Variants in CTDSP2 observed in about 807,000 individuals in gnomAD.
The protein encoded by CTDSP2 is CTD small phosphatase 2, also known as carboxy-terminal domain RNA polymerase II polypeptide A small phosphatase 2.
CTDSP2 carries 9 observed loss-of-function variants against 31.6 expected under a neutral mutation model. The ratio of observed to expected loss-of-function variants is 0.28; its 90% CI spans 0.17 to 0.50. The LOEUF (loss-of-function observed/expected upper bound fraction) is 0.50. CTDSP2 is among the 20% of genes least tolerant of loss of function. The pLI, the probability that CTDSP2 is intolerant of heterozygous loss-of-function variation, is 0.98. For missense variants in CTDSP2, 267 were observed against 348.5 expected, an observed-to-expected ratio of 0.77 and a Z score of 1.86; for synonymous variants, 134 against 134.5, an observed-to-expected ratio of 1.00 and a Z score of 0.03.
intron 5 of CTDSP2, 98 bp from the exon 6 acceptor site, chr12:57,824,417 A>C (rs1378931741): frequency 4.4e-6 from 4 of 913,676 alleles, no homozygotes; most frequent in Non-Finnish European, 7.1e-6. Flanking sequence ...GGAGCTCTCA[A>C]CCCCTGCAGC....
rs968686833 is a variant in CTDSP2, at chr12:57,844,173, C to A, written c.64+2199G>T. Among the ~76,000 whole-genome samples the A allele has an allele frequency of 2.6e-4, 40 of 152,132 alleles. 1 individual carries two copies. Among genetic ancestry groups the A allele is most frequent in the Admixed American group, 6.5e-5 (1 of 15,274 alleles). On this transcript the variant is annotated intron_variant, in intron 1 of 7. Transcript: ENST00000398073. ...TTGCGCCACTGCACTCTAGCCTGGG[C>A]AACAGAGTAAGACTCCATCTCAATT...
chr12:57,834,374 C>A (rs1042489219), intron 1 of CTDSP2, among the ~76,000 whole-genome samples: 1 of 152,168 alleles, frequency 6.6e-6, no homozygotes. Flanking sequence ...TGGGGTCTAG[C>A]CCCTACCCCT....
chr12:57,827,336 G>A (rs1305720116), intron 3 of CTDSP2: 5 of 636,450 alleles, frequency 7.9e-6, no homozygotes, highest in Non-Finnish European at 1.4e-5. Context: ...GGGATGGACA[G>A]CAGCTGTGGG....
Position 57,829,373 on chromosome 12 carries a change from G to A in CTDSP2, c.213+75C>T, listed in dbSNP as rs1252037179. ...AACTTCAGGCAAAGCTTCCTTGTCCGGTTGCCATCGTCTGCAGGGATCTCC... is the reference window on the plus strand; with the variant it reads ...AACTTCAGGCAAAGCTTCCTTGTCCAGTTGCCATCGTCTGCAGGGATCTCC... On this transcript the variant is annotated intron_variant, in intron 2 of 7. Coordinates refer to ENST00000398073, the MANE Select transcript of CTDSP2 (RefSeq NM_005730.4). 24 of 1,532,122 alleles carry A rather than the reference G, an allele frequency of 1.6e-5. No individual in the cohort carries two copies. In the Admixed American group the frequency reaches 1.6e-4, roughly 10 times the overall value. The allele number at this position is 1,532,122 out of a possible 1,614,324, so 94.9% of individuals were successfully genotyped here. A position where few individuals can be genotyped will look rare whatever the true frequency, so the allele number is the denominator to read the frequency against.
chr12:57,831,981 G>C (rs138886968), intron 1 of CTDSP2, among the ~76,000 whole-genome samples: 1 of 152,142 alleles, frequency 6.6e-6, no homozygotes, highest in African/African-American at 2.4e-5. Context: ...TATTCCACAG[G>C]ACCAAGGGTG....
Position 57,824,235 on chromosome 12 carries a change from G to C in CTDSP2, c.496C>G (p.Leu166Val). 1 of 1,614,076 alleles carries C rather than the reference G, an allele frequency of 6.2e-7. No homozygotes were observed. The highest frequency in any genetic ancestry group is 1.6e-4 in the Middle Eastern group (1 of 6,062). ...CTCTCACCCCTAGGTACCTTGGCCA[G>C]GCTGGCAGTGAAGAGAACACATTCA... ...LFECVLFTAS[L>V]AKYADPVTDL... The change falls in exon 6 of 8, where the codon CTG (leucine) becomes GTG (valine). Residue 166 changes from leucine to valine, a missense_variant. Around this residue, in one of 2 missense-constraint regions of CTDSP2, gnomAD observed 156 missense variants for 241.3 expected, o/e 0.65. Transcript: ENST00000398073.
intron 2 of CTDSP2, among the ~76,000 whole-genome samples, chr12:57,828,175 T>C (rs1025977724): frequency 6.6e-6 from 1 of 151,970 alleles, no homozygotes; most frequent in Non-Finnish European, 1.5e-5. Flanking sequence ...ATCCCAGCAC[T>C]TTGGGAGGCC....
intron 1 of CTDSP2, among the ~76,000 whole-genome samples, chr12:57,841,230 G>A (rs567167771): frequency 7.9e-5 from 12 of 152,306 alleles, no homozygotes; most frequent in Non-Finnish European, 1.5e-4. Context: ...ACTAAGACAA[G>A]ATGAAAAGCA....
At chr12:57,835,260 G>A (rs187185022) in intron 1 of CTDSP2, among the ~76,000 whole-genome samples, 1 of 151,916 alleles carries the variant, frequency 6.6e-6, no homozygotes, top group African/African-American at 2.4e-5. Flanking sequence ...CCCAGAAGGC[G>A]GAGGCTGCGG....
At chr12:57,840,846 T>G (rs1956278343) in intron 1 of CTDSP2, among the ~76,000 whole-genome samples, 1 of 152,102 alleles carries the variant, frequency 6.6e-6, no homozygotes, top group African/African-American at 2.4e-5. Context: ...GGCTAACTCC[T>G]AGAATAGCTA....
intron 1 of CTDSP2, among the ~76,000 whole-genome samples, chr12:57,832,341 C>G (rs775522953): frequency 6.6e-6 from 1 of 152,194 alleles, no homozygotes; most frequent in Non-Finnish European, 1.5e-5. Flanking sequence ...TGGGGACATC[C>G]CCCAGAGCCC....
chr12:57,844,773 A>G (rs1956303733), intron 1 of CTDSP2, among the ~76,000 whole-genome samples: 1 of 151,686 alleles, frequency 6.6e-6, no homozygotes, highest in Admixed American at 6.6e-5. Context: ...AAATCATGGC[A>G]ACACCGAGGT....
chr12:57,826,955 GC>G lies in CTDSP2; in HGVS notation c.354+40del, dbSNP rs766109213. On this transcript the variant is annotated intron_variant, in intron 4 of 7. Coordinates refer to ENST00000398073, the MANE Select transcript of CTDSP2 (RefSeq NM_005730.4). ...CATCTGTTGCCAGATTCACAAGAAG[GC>G]CCAAGATAAAGGTAGGAAGGGTTCC... The G allele has an allele frequency of 9.7e-6, 14 of 1,442,328 alleles. No individual in the cohort carries two copies. In the East Asian group the frequency reaches 2.9e-4, roughly 30 times the overall value. The allele number at this position is 1,442,328 out of a possible 1,614,324, so 89.3% of individuals were successfully genotyped here.
In CTDSP2 at chr12:57,846,401, C is replaced by T. The variant is rs778748540; in HGVS notation, c.35G>A (p.Arg12Lys). The T allele has an allele frequency of 2.5e-6, 4 of 1,608,796 alleles. No homozygotes were observed. Among genetic ancestry groups the T allele is most frequent in the South Asian group, 2.2e-5 (2 of 89,808 alleles). The part of the protein sequence containing the change: ...EHGSIITQAR[R>K]EDALVLTKQG... ...CTTGGTGAGCACCAGGGCGTCTTCCCTCCGCGCCTGGGTGATGATGGAGCC... is the reference window on the plus strand; with the variant it reads ...CTTGGTGAGCACCAGGGCGTCTTCCTTCCGCGCCTGGGTGATGATGGAGCC... The change falls in exon 1 of 8, where the codon AGG (arginine) becomes AAG (lysine). Residue 12 changes from arginine (R) to lysine (K), a missense_variant. Physicochemically the swap from Arg to Lys is conservative, Grantham distance 26. This residue lies in a region of CTDSP2 where 111 missense variants were observed against 107.1 expected (regional missense o/e 1.04). Transcript: ENST00000398073.
chr12:57,827,250 T>G, intron 3 of CTDSP2, 153 bp from the exon 4 acceptor site: 1 of 644,308 alleles, frequency 1.6e-6, no homozygotes, highest in Non-Finnish European at 2.7e-6. Context: ...GGAGGTGGAG[T>G]TGTTTCCTTG....
At chr12:57,844,931 G>A (rs928619145) in intron 1 of CTDSP2, among the ~76,000 whole-genome samples, 3 of 142,878 alleles carry the variant, frequency 2.1e-5, no homozygotes, top group Non-Finnish European at 4.7e-5. Context: ...AGCTCCTCTC[G>A]TTCCACTGAG....
At position 57,823,115 on chromosome 12, in the gene CTDSP2, T is replaced by G. The variant is rs1425954154; in HGVS notation, c.*487A>C. On this transcript the variant is annotated 3_prime_UTR_variant, in exon 8 of 8. Coordinates refer to ENST00000398073, the MANE Select transcript of CTDSP2 (RefSeq NM_005730.4). ...TGGCTGGAGAAGGATTTCAGAAAGG[T>G]GTGTGCCTGGAGTACCCAAAGGCAT... 6.4e-6 allele frequency: 1 copy of G among 156,716 alleles called. No homozygotes were observed. Among genetic ancestry groups the G allele is most frequent in the Non-Finnish European group, 1.4e-5 (1 of 70,508 alleles). 9.7% of individuals were successfully genotyped at this position (156,716 alleles called of 1,614,324 possible). A position where few individuals can be genotyped will look rare whatever the true frequency, so the allele number is the denominator to read the frequency against.
intron 3 of CTDSP2, 134 bp downstream of exon 3, chr12:57,827,418 G>A: frequency 1.1e-6 from 1 of 938,590 alleles, no homozygotes; most frequent in Non-Finnish European, 1.7e-6. Flanking sequence ...AACAAGTATG[G>A]GGAACAAATG....
intron 5 of CTDSP2, among the ~76,000 whole-genome samples, chr12:57,824,874 CT>C (rs1049200101): frequency 6.6e-6 from 1 of 152,326 alleles, no homozygotes; most frequent in African/African-American, 2.4e-5. Context: ...CCACTAACAC[CT>C]TTGTCCACCC....
Sources: allele counts gnomAD v4.1 joint callset (sites outside exome capture counted in the v4.1 genomes callset), GRCh38; gene constraint gnomAD v4.1.1; regional missense constraint gnomAD v4.1.1; transcripts MANE v1.5; gene names NCBI Gene and HGNC (gene_info 2026-07-23, HGNC 2026-07-21).